Variants in RFX3 observed in about 807,000 individuals in gnomAD.
RFX3 encodes transcription factor RFX3.
In RFX3, 14 loss-of-function variants were observed where a neutral mutation model predicts 98.6. The observed-to-expected ratio is 0.14, with a 90% confidence interval of 0.09 to 0.22. The LOEUF (loss-of-function observed/expected upper bound fraction) is 0.22, where lower values mean the gene tolerates loss of function less well. RFX3 is among the 10% of genes least tolerant of loss of function. The pLI is 1.00. For synonymous variants in RFX3, 383 were observed against 328.4 expected, an observed-to-expected ratio of 1.17 and a Z score of -1.80; for missense variants, 639 against 926.9, an observed-to-expected ratio of 0.69 and a Z score of 4.03.
intron 2 of RFX3, among the ~76,000 whole-genome samples, chr9:3,390,391 A>G (rs1367409007): frequency 6.6e-6 from 1 of 152,190 alleles, no homozygotes; most frequent in East Asian, 1.9e-4. Flanking sequence ...ATTGTGAGAA[A>G]GTTTGGAACT....
At chr9:3,470,400 C>T (rs1352046136) in intron 1 of RFX3, among the ~76,000 whole-genome samples, 3 of 151,478 alleles carry the variant, frequency 2.0e-5, no homozygotes, top group Admixed American at 6.6e-5. Flanking sequence ...CTACAAGCTC[C>T]GCCTACCGGG....
chr9:3,230,939 C>G (rs114686864), intron 15 of RFX3, among the ~76,000 whole-genome samples: 3,147 of 152,274 alleles, frequency 0.021, 116 homozygotes, highest in African/African-American at 0.071. Context: ...CTACTTAACT[C>G]CGAAAACATG....
chr9:3,290,411 C>A (rs965857081), intron 6 of RFX3, among the ~76,000 whole-genome samples: 71 of 151,998 alleles, frequency 4.7e-4, no homozygotes, highest in African/African-American at 1.7e-3. Flanking sequence ...CAAAATAGGA[C>A]CCATTGAAAT....
intron 14 of RFX3, among the ~76,000 whole-genome samples, chr9:3,252,664 G>T (rs540785579): frequency 6.6e-6 from 1 of 152,286 alleles, no homozygotes; most frequent in East Asian, 1.9e-4. Flanking sequence ...CTAGTGGCTG[G>T]ACTGTGTAGG....
chr9:3,505,289 T>C (rs1466602960), intron 1 of RFX3, among the ~76,000 whole-genome samples: 1 of 75,204 alleles, frequency 1.3e-5, no homozygotes, highest in Non-Finnish European at 2.2e-5. Flanking sequence ...TATACATTTT[T>C]ATATTTATAT....
rs1845295450 is a variant in RFX3, at chr9:3,437,943, A to T, written c.-8-42347T>A. Reference sequence around the variant, plus strand: ...GGAAAGAATGGGTAGAGAGACAGAGATGAAAAAAACTAATGACGTATATAT... The same window carrying T: ...GGAAAGAATGGGTAGAGAGACAGAGTTGAAAAAAACTAATGACGTATATAT... On this transcript the variant is annotated intron_variant, in intron 1 of 16. Coordinates refer to ENST00000617270, the MANE Select transcript of RFX3 (RefSeq NM_001282116.2). Among the ~76,000 whole-genome samples, 5 of 152,082 alleles carry T rather than the reference A, an allele frequency of 3.3e-5. No individual in the cohort carries two copies. In the South Asian group the frequency reaches 1.0e-3, roughly 32 times the overall value.
At chr9:3,399,378 A>T (rs1377626263) in intron 1 of RFX3, among the ~76,000 whole-genome samples, 3 of 152,036 alleles carry the variant, frequency 2.0e-5, no homozygotes, top group Non-Finnish European at 4.4e-5. Flanking sequence ...TGGGAGGCAG[A>T]GGTTGCAGTG....
At chr9:3,342,914 G>A (rs1172558204) in intron 3 of RFX3, among the ~76,000 whole-genome samples, 1 of 152,108 alleles carries the variant, frequency 6.6e-6, no homozygotes, top group Non-Finnish European at 1.5e-5. Context: ...AATAAACAGG[G>A]GCAAAAGTAA....
At chr9:3,369,975 C>A (rs1037903079) in intron 2 of RFX3, among the ~76,000 whole-genome samples, 3 of 150,562 alleles carry the variant, frequency 2.0e-5, no homozygotes, top group African/African-American at 7.3e-5. Flanking sequence ...ACTACAGGCG[C>A]CCGCCACTAC....
chr9:3,432,200 CT>C (rs1844715789), intron 1 of RFX3, among the ~76,000 whole-genome samples: 1 of 152,108 alleles, frequency 6.6e-6, no homozygotes, highest in East Asian at 1.9e-4. Flanking sequence ...TTTCAAAGTT[CT>C]TTTGATATTG....
intron 1 of RFX3, among the ~76,000 whole-genome samples, chr9:3,522,525 T>G (rs1331564844): frequency 6.6e-6 from 1 of 151,668 alleles, no homozygotes; most frequent in Non-Finnish European, 1.5e-5. Flanking sequence ...CAAAGTAATA[T>G]TCCTATTACT....
At chr9:3,366,693 CCTTTCTTTCTTTCTTT>C (rs1202997871) in intron 2 of RFX3, among the ~76,000 whole-genome samples, 2,069 of 85,490 alleles carry the variant, frequency 0.024, 37 homozygotes, top group Admixed American at 0.044. Context: ...TTCTTTCTTT[CCTTTCTTTCTTTCTTT>C]CTTTCTTTCT....
intron 1 of RFX3, among the ~76,000 whole-genome samples, chr9:3,410,541 A>T (rs978380077): frequency 6.6e-6 from 1 of 152,170 alleles, no homozygotes; most frequent in Non-Finnish European, 1.5e-5. Flanking sequence ...CAGGGAACAA[A>T]TTCTGAATTT....
chr9:3,256,846 G>A lies in RFX3; in HGVS notation c.1814+145C>T, dbSNP rs964228310. 4 of 714,926 alleles carry A rather than the reference G, an allele frequency of 5.6e-6. No homozygotes were observed. The Admixed American group carries it at 7.1e-5, about 13-fold the overall frequency. 44.3% of individuals were successfully genotyped at this position (714,926 alleles called of 1,614,324 possible). ...CATGGTGTTGTAATCACTGAGTTGG[G>A]TTGAAGGTAGTTGTAACAGGGAGTT... On this transcript the variant is annotated intron_variant, in intron 14 of 16. Transcript: ENST00000617270.
chr9:3,435,553 C>A (rs1845048954), intron 1 of RFX3, among the ~76,000 whole-genome samples: 1 of 151,900 alleles, frequency 6.6e-6, no homozygotes, highest in Admixed American at 6.6e-5. Context: ...CCATCATTGA[C>A]TGAAACCTCA....
chr9:3,237,484 T>C (rs994357145), intron 15 of RFX3, among the ~76,000 whole-genome samples: 4 of 152,210 alleles, frequency 2.6e-5, no homozygotes, highest in African/African-American at 9.6e-5. Context: ...ATATACATTA[T>C]TACTTGGATA....
intron 2 of RFX3, among the ~76,000 whole-genome samples, chr9:3,391,239 G>C (rs1213689200): frequency 6.6e-6 from 1 of 151,926 alleles, no homozygotes; most frequent in East Asian, 1.9e-4. Context: ...ATTATAGCAT[G>C]AATCTTATCA....
intron 1 of RFX3, among the ~76,000 whole-genome samples, chr9:3,479,910 C>T (rs940550313): frequency 2.6e-5 from 4 of 152,150 alleles, no homozygotes; most frequent in African/African-American, 4.8e-5. Flanking sequence ...AGGCCAAAAT[C>T]GCGGGCTTCT....
In RFX3 at chr9:3,220,324, A is replaced by C. The variant is rs1817272025; in HGVS notation, c.*4718T>G. 1 of 150,680 alleles carries C rather than the reference A, an allele frequency of 6.6e-6. No individual in the cohort carries two copies. Among genetic ancestry groups the C allele is most frequent in the Non-Finnish European group, 1.5e-5 (1 of 67,908 alleles). 9.3% of individuals were successfully genotyped at this position (150,680 alleles called of 1,614,324 possible). ...AAAGCTAAATAAATGAGATCTTTTG[A>C]TTCATTTTGGGAAAAAAAAGACAAA... On this transcript the variant is annotated 3_prime_UTR_variant, in exon 17 of 17. Coordinates refer to ENST00000617270, the MANE Select transcript of RFX3 (RefSeq NM_001282116.2).
Sources: gnomAD v4.1 joint callset for allele counts (sites outside exome capture counted in the v4.1 genomes callset) on GRCh38, gnomAD v4.1.1 for gene constraint, MANE v1.5 for transcripts, NCBI Gene and HGNC (gene_info 2026-07-23, HGNC 2026-07-21) for gene names.